The following ECPAS variants were observed in gnomAD, a reference collection of about 807,000 sequenced individuals.
ECPAS encodes the protein Ecm29 proteasome adaptor and scaffold, also known as proteasome adapter and scaffold protein ECM29.
A neutral mutation model predicts 255.1 loss-of-function variants in ECPAS; 70 were observed. That is an observed-to-expected ratio of 0.27 (90% CI 0.23 to 0.33). ECPAS has a LOEUF of 0.33. Ranked by LOEUF, ECPAS falls within the 10% of genes least tolerant of loss-of-function variation. The probability of loss-of-function intolerance (pLI) is 1.00; values close to 1 mark genes in which losing one functional copy is unlikely to be tolerated. For missense variants in ECPAS, 1,817 were observed against 2,206.4 expected (o/e 0.82, Z 3.54); for synonymous variants, 784 against 775.0 (o/e 1.01, Z -0.19).
chr9:111,420,656 A>G (rs929571280), intron 15 of ECPAS, among the ~76,000 whole-genome samples: 1 of 152,238 alleles, frequency 6.6e-6, no homozygotes. Context: ...ACTAAGATTA[A>G]TAATCTGTAA....
intron 27 of ECPAS, 70 bp from the exon 28 acceptor site, chr9:111,392,952 T>C: frequency 9.8e-7 from 1 of 1,023,172 alleles, no homozygotes; most frequent in Non-Finnish European, 1.5e-6. Context: ...AAATCAAAAT[T>C]TTTAAAGTTA....
At chr9:111,444,224 AAC>A (rs2098249815) in intron 4 of ECPAS, among the ~76,000 whole-genome samples, 152 bp downstream of exon 4, 1 of 151,828 alleles carries the variant, frequency 6.6e-6, no homozygotes, top group East Asian at 1.9e-4. Context: ...TCAGTGGAAA[AAC>A]AGTGTGTCAT....
At chr9:111,471,582 C>A (rs2098288214) in intron 2 of ECPAS, among the ~76,000 whole-genome samples, 1 of 152,144 alleles carries the variant, frequency 6.6e-6, no homozygotes, top group Non-Finnish European at 1.5e-5. Flanking sequence ...CAGGAACTCA[C>A]TGGATATTGA....
At chr9:111,402,189 C>G (rs2098177180) in intron 24 of ECPAS, among the ~76,000 whole-genome samples, 1 of 152,142 alleles carries the variant, frequency 6.6e-6, no homozygotes, top group Non-Finnish European at 1.5e-5. Flanking sequence ...TTCATGAAAT[C>G]TTCACAATTT....
intron 4 of ECPAS, among the ~76,000 whole-genome samples, chr9:111,443,046 C>A (rs191955319): frequency 6.6e-6 from 1 of 152,262 alleles, no homozygotes; most frequent in Admixed American, 6.5e-5. Flanking sequence ...CTCCTTGGGG[C>A]ATTGCAGATT....
rs2098193623 is a variant in ECPAS at position 111,411,120 on chromosome 9, G to C, written c.2237C>G (p.Ser746Cys). 1.2e-6 allele frequency: 2 copies of C among 1,613,474 alleles called. No individual in the cohort carries two copies. The highest frequency in any genetic ancestry group is 1.7e-5 in the Admixed American group (1 of 59,968). The change falls in exon 22 of 50, where the codon TCC (serine) becomes TGC (cysteine). Residue 746 changes from serine to cysteine, a missense_variant. By Grantham distance (112) the Ser-to-Cys change is moderately radical. Transcript: ENST00000684092. Reference protein sequence around the residue: ...DNHSPEIQHGSLLALGFTVGR... With the variant: ...DNHSPEIQHGCLLALGFTVGR... ...CACCGTGAATCCCAATGCAAGCAAG[G>C]ATCCATGCTGTATCTCCGGGCTCTG...
At position 111,370,738 on chromosome 9, in the gene ECPAS, C is replaced by T. The variant is rs1251670833; in HGVS notation, c.4765G>A (p.Val1589Met). 4 of 1,607,570 alleles carry T rather than the reference C, an allele frequency of 2.5e-6. No individual in the cohort carries two copies. Among genetic ancestry groups the T allele is most frequent in the Non-Finnish European group, 3.4e-6 (4 of 1,176,972 alleles). ...KEELLKAIACVVTACSAELEK... is the reference protein window; with the variant it reads ...KEELLKAIACMVTACSAELEK... ...AACATTTACCTGCAAGCTGTCACCA[C>T]ACAGGCAATGGCTTTCAATAGCTCC... The change falls in exon 44 of 50, where the codon GTG becomes ATG. Residue 1589 changes from valine (V) to methionine (M), a missense_variant. This residue lies in a region of ECPAS where 960 missense variants were observed against 1,179.0 expected (regional missense o/e 0.81). Transcript: ENST00000684092.
chr9:111,439,027 T>A (rs2098242097), intron 6 of ECPAS, among the ~76,000 whole-genome samples: 1 of 152,186 alleles, frequency 6.6e-6, no homozygotes. Context: ...TAGATCACAA[T>A]CTGGGCTCCA....
intron 5 of ECPAS, 76 bp from the exon 6 acceptor site, chr9:111,440,597 A>T (rs907506863): frequency 8.6e-7 from 1 of 1,167,910 alleles, no homozygotes; most frequent in Non-Finnish European, 1.2e-6. Context: ...GACAAAACAA[A>T]AATCACGTAA....
intron 2 of ECPAS, 25 bp from the exon 3 acceptor site, chr9:111,451,580 G>A (rs772772317): frequency 3.0e-5 from 45 of 1,519,430 alleles, no homozygotes; most frequent in Non-Finnish European, 3.9e-5. Context: ...GAAAAAAAGA[G>A]AGAACTTAGC....
intron 22 of ECPAS, among the ~76,000 whole-genome samples, chr9:111,410,534 TG>T (rs2098192387): frequency 1.3e-5 from 2 of 152,294 alleles, no homozygotes; most frequent in African/African-American, 4.8e-5. Flanking sequence ...TTTGGTTTTT[TG>T]AGACAAGGTC....
chr9:111,409,525 T>C (rs1277380775), intron 23 of ECPAS, among the ~76,000 whole-genome samples: 2 of 151,866 alleles, frequency 1.3e-5, no homozygotes, highest in African/African-American at 2.4e-5. Flanking sequence ...GATCACGCCA[T>C]TGCACTTTAG....
chr9:111,397,779 G>A (rs185587523), intron 24 of ECPAS, among the ~76,000 whole-genome samples: 1 of 152,082 alleles, frequency 6.6e-6, no homozygotes, highest in Admixed American at 6.5e-5. Context: ...TCAGAAAAAA[G>A]AGAATAATAA....
intron 43 of ECPAS, among the ~76,000 whole-genome samples, chr9:111,371,055 C>T (rs1389233981): frequency 6.6e-6 from 1 of 152,188 alleles, no homozygotes; most frequent in Admixed American, 6.5e-5. Flanking sequence ...ATGTCTGACT[C>T]CCAGTCCGGT....
chr9:111,483,495 G>T (rs1286812821), intron 1 of ECPAS: 1 of 978,788 alleles, frequency 1.0e-6, no homozygotes, highest in Non-Finnish European at 1.2e-6. Context: ...GTTCGGCCGC[G>T]GCACTTACTC....
At chr9:111,396,371 C>T (rs1330628438) in intron 25 of ECPAS, among the ~76,000 whole-genome samples, 1 of 152,126 alleles carries the variant, frequency 6.6e-6, no homozygotes, top group Non-Finnish European at 1.5e-5. Flanking sequence ...GGCACTGAGG[C>T]TTCATTATGT....
chr9:111,476,730 T>C lies in ECPAS; in HGVS notation c.-82-3730A>G, dbSNP rs1482904115. ...CAGGCTGGAGTGCAGTGGCACAATC[T>C]TGGCTCACTGCAATCTCTGCCTCCC... On this transcript the variant is annotated intron_variant, in intron 1 of 49. Coordinates refer to ENST00000684092, the MANE Select transcript of ECPAS (RefSeq NM_001364929.1). Among the ~76,000 whole-genome samples, 7 of 152,086 alleles carry C rather than the reference T, an allele frequency of 4.6e-5. No homozygotes were observed. In the East Asian group the frequency reaches 1.3e-3, roughly 29 times the overall value.
At chr9:111,422,715 T>A (rs16916095) in intron 13 of ECPAS, among the ~76,000 whole-genome samples, 7,270 of 152,096 alleles carry the variant, frequency 0.048, 582 homozygotes, top group African/African-American at 0.17. Context: ...CATCTCTATC[T>A]CCCTGCTTTC....
intron 24 of ECPAS, among the ~76,000 whole-genome samples, chr9:111,400,271 T>C (rs1225001873): frequency 1.3e-5 from 2 of 152,200 alleles, no homozygotes; most frequent in Non-Finnish European, 2.9e-5. Flanking sequence ...CATATTTGAA[T>C]TCTTGGAAGG....
Sources: allele counts gnomAD v4.1 joint callset (sites outside exome capture counted in the v4.1 genomes callset), GRCh38; gene constraint gnomAD v4.1.1; regional missense constraint gnomAD v4.1.1; transcripts MANE v1.5; gene names NCBI Gene and HGNC (gene_info 2026-07-23, HGNC 2026-07-21).